The following SORCS3 variants were observed in gnomAD, a reference collection of about 807,000 sequenced individuals.
SORCS3 encodes the protein sortilin related VPS10 domain containing receptor 3.
A neutral mutation model predicts 146.3 loss-of-function variants in SORCS3; 57 were observed. That is an observed-to-expected ratio of 0.39 (90% CI 0.31 to 0.49). The LOEUF (loss-of-function observed/expected upper bound fraction) is 0.49, where lower values mean the gene tolerates loss of function less well. SORCS3 is among the 20% of genes least tolerant of loss of function. The probability of loss-of-function intolerance (pLI) is 0.92; values close to 1 mark genes in which losing one functional copy is unlikely to be tolerated. For missense variants in SORCS3, 1,341 were observed against 1,575.5 expected, an observed-to-expected ratio of 0.85 and a Z score of 2.52; for synonymous variants, 653 against 618.5, an observed-to-expected ratio of 1.06 and a Z score of -0.83.
chr10:104,932,009 G>A (rs2019213333), intron 3 of SORCS3, among the ~76,000 whole-genome samples: 1 of 152,192 alleles, frequency 6.6e-6, no homozygotes, highest in Non-Finnish European at 1.5e-5. Context: ...TGTCAGAGCA[G>A]AAACTTAGTG....
At chr10:105,067,915 G>T (rs1027779898) in intron 5 of SORCS3, among the ~76,000 whole-genome samples, 4 of 151,926 alleles carry the variant, frequency 2.6e-5, no homozygotes, top group Non-Finnish European at 4.4e-5. Context: ...ATACATGTCA[G>T]TGTTTCCAGG....
chr10:104,964,106 A>G (rs531154429), intron 3 of SORCS3, among the ~76,000 whole-genome samples: 1 of 152,210 alleles, frequency 6.6e-6, no homozygotes, highest in East Asian at 1.9e-4. Context: ...CCAATGCTCT[A>G]TTCGACATGG....
At chr10:104,863,301 C>T (rs1298658100) in intron 2 of SORCS3, among the ~76,000 whole-genome samples, 1 of 152,176 alleles carries the variant, frequency 6.6e-6, no homozygotes, top group African/African-American at 2.4e-5. Flanking sequence ...CTCTATGGAG[C>T]TGTTCTAGCC....
chr10:104,921,501 CTCTGTGTG>C (rs1015412039), intron 3 of SORCS3, among the ~76,000 whole-genome samples: 9 of 130,110 alleles, frequency 6.9e-5, no homozygotes, highest in African/African-American at 2.7e-4. Flanking sequence ...CTCTCTCTCT[CTCTGTGTG>C]TGTGTGTGTG....
intron 2 of SORCS3, among the ~76,000 whole-genome samples, chr10:104,866,042 A>G (rs528435539): frequency 1.3e-5 from 2 of 152,330 alleles, no homozygotes; most frequent in Admixed American, 6.5e-5. Context: ...GAAGAAATGC[A>G]CATAGAACAG....
intron 4 of SORCS3, among the ~76,000 whole-genome samples, chr10:105,011,050 G>A (rs1029347324): frequency 6.6e-6 from 1 of 152,146 alleles, no homozygotes; most frequent in African/African-American, 2.4e-5. Context: ...CCTGGCTGAT[G>A]TAACACTTTG....
intron 3 of SORCS3, among the ~76,000 whole-genome samples, chr10:104,923,699 C>T (rs915091004): frequency 6.6e-6 from 1 of 152,140 alleles, no homozygotes; most frequent in South Asian, 2.1e-4. Flanking sequence ...GTACCACACT[C>T]CCTCCTTCAT....
chr10:104,836,005 G>C (rs1324589964), intron 1 of SORCS3, among the ~76,000 whole-genome samples: 1 of 152,192 alleles, frequency 6.6e-6, no homozygotes, highest in Admixed American at 6.5e-5. Flanking sequence ...AGGAGTGTGC[G>C]TCAAGGCTGG....
At position 105,198,053 on chromosome 10, in the gene SORCS3, T is replaced by C. The variant is rs1362626135; in HGVS notation, c.2010-1946T>C. On this transcript the variant is annotated intron_variant, in intron 14 of 26. Coordinates refer to ENST00000369701, the MANE Select transcript of SORCS3 (RefSeq NM_014978.3). The stretch of plus-strand genomic sequence containing the variant: ...AATTTTACCAAGCACCTGGCTCATA[T>C]TTTCTCAATCTTTTTGTCAAGATTC... 2.0e-5 allele frequency among the ~76,000 whole-genome samples: 3 copies of C among 152,108 alleles called. No homozygotes were observed. The East Asian group carries it at 5.8e-4, about 29-fold the overall frequency.
chr10:104,939,430 G>A (rs2019289767), intron 3 of SORCS3, among the ~76,000 whole-genome samples: 2 of 152,152 alleles, frequency 1.3e-5, no homozygotes, highest in Admixed American at 6.6e-5. Flanking sequence ...CAATTACAAA[G>A]TCAGAATAAC....
chr10:104,969,304 TGTGTG>T (rs1178546281), intron 3 of SORCS3, among the ~76,000 whole-genome samples: 1 of 7,966 alleles, frequency 1.3e-4, no homozygotes, highest in East Asian at 2.1e-3. Flanking sequence ...CAAAAAGGAT[TGTGTG>T]TGTGTGTGTG....
intron 3 of SORCS3, among the ~76,000 whole-genome samples, chr10:104,961,038 A>G (rs1386186396): frequency 6.6e-6 from 1 of 152,106 alleles, no homozygotes; most frequent in East Asian, 1.9e-4. Context: ...AGATGCTTAT[A>G]AATTAGGTTT....
intron 9 of SORCS3, among the ~76,000 whole-genome samples, chr10:105,148,136 CTG>C (rs1329258302): frequency 6.6e-6 from 1 of 152,034 alleles, no homozygotes; most frequent in Non-Finnish European, 1.5e-5. Context: ...TTTGTAAACT[CTG>C]TGTTGCTTTT....
At chr10:104,760,848 C>G (rs936280981) in intron 1 of SORCS3, among the ~76,000 whole-genome samples, 2 of 151,734 alleles carry the variant, frequency 1.3e-5, no homozygotes, top group African/African-American at 4.8e-5. Context: ...TGTATGATAG[C>G]TTGGTAAAAA....
At chr10:104,921,513 G>C (rs1367147618) in intron 3 of SORCS3, among the ~76,000 whole-genome samples, 24 of 151,656 alleles carry the variant, frequency 1.6e-4, no homozygotes, top group African/African-American at 3.6e-4. Flanking sequence ...CTGTGTGTGT[G>C]TGTGTGTGTG....
chr10:105,157,246 G>A lies in SORCS3; in HGVS notation c.1591G>A (p.Asp531Asn). ...GRDWRLLQAPDVDLRGSPVHC... is the reference protein window; with the variant it reads ...GRDWRLLQAPNVDLRGSPVHC... ...GGATTGGCGCCTGCTGCAAGCTCCG[G>A]ATGTGGACCTGAGAGGAAGCCCAGT... The change falls in exon 10 of 27, where the codon GAT becomes AAT. Residue 531 changes from aspartate to asparagine, a missense_variant. Physicochemically the swap from Asp to Asn is conservative, Grantham distance 23 (BLOSUM62 1). Coordinates refer to ENST00000369701, the MANE Select transcript of SORCS3 (RefSeq NM_014978.3). 5 of 1,614,088 alleles carry A rather than the reference G, an allele frequency of 3.1e-6. No homozygotes were observed. Among genetic ancestry groups the A allele is most frequent in the Non-Finnish European group, 4.2e-6 (5 of 1,179,970 alleles).
intron 12 of SORCS3, among the ~76,000 whole-genome samples, chr10:105,166,617 A>T (rs1420349115): frequency 6.6e-6 from 1 of 152,132 alleles, no homozygotes; most frequent in African/African-American, 2.4e-5. Flanking sequence ...GAGTGAATGG[A>T]TGGATAAGTA....
At chr10:105,227,242 G>T (rs933607916) in intron 20 of SORCS3, among the ~76,000 whole-genome samples, 1 of 151,880 alleles carries the variant, frequency 6.6e-6, no homozygotes. Flanking sequence ...GTTGTGGTAT[G>T]TTGTGTTTCT....
At chr10:104,821,719 C>T (rs1361485645) in intron 1 of SORCS3, among the ~76,000 whole-genome samples, 10 of 152,136 alleles carry the variant, frequency 6.6e-5, no homozygotes, top group Admixed American at 1.3e-4. Context: ...TTCTGGGGTA[C>T]GAGGAGCCTC....
Sources: allele counts gnomAD v4.1 joint callset (sites outside exome capture counted in the v4.1 genomes callset), GRCh38; gene constraint gnomAD v4.1.1; transcripts MANE v1.5; gene names NCBI Gene and HGNC (gene_info 2026-07-23, HGNC 2026-07-21).